The following MND1 variants were observed in gnomAD, a reference collection of about 807,000 sequenced individuals.
MND1 encodes meiotic nuclear division protein 1 homolog.
MND1 carries 28 observed loss-of-function variants against 35.1 expected under a neutral mutation model. The observed-to-expected ratio is 0.80, with a 90% confidence interval of 0.59 to 1.09. MND1 has a LOEUF of 1.09. MND1 is among the 50% of genes least tolerant of loss of function. MND1 has a pLI of 0.00. For synonymous variants in MND1, 69 were observed against 70.5 expected (o/e 0.98, Z 0.11); for missense variants, 213 against 239.6 (o/e 0.89, Z 0.73).
intron 3 of MND1, among the ~76,000 whole-genome samples, chr4:153,357,920 G>T (rs1480677195): frequency 6.6e-6 from 1 of 152,012 alleles, no homozygotes; most frequent in Non-Finnish European, 1.5e-5. Context: ...AAAAGGAAAA[G>T]ATACCATATA....
chr4:153,392,021 AAG>A (rs1467256001), intron 4 of MND1, among the ~76,000 whole-genome samples: 1 of 152,090 alleles, frequency 6.6e-6, no homozygotes, highest in East Asian at 1.9e-4. Context: ...TAAGCAAAAA[AAG>A]GGTATCTATT....
At chr4:153,410,119 C>T (rs958801076) in intron 7 of MND1, among the ~76,000 whole-genome samples, 1 of 152,184 alleles carries the variant, frequency 6.6e-6, no homozygotes, top group Admixed American at 6.6e-5. Flanking sequence ...ATAATACCTA[C>T]CTCCCATTTT....
At chr4:153,385,727 A>AG (rs1728837727) in intron 4 of MND1, among the ~76,000 whole-genome samples, 1 of 151,428 alleles carries the variant, frequency 6.6e-6, no homozygotes, top group Non-Finnish European at 1.5e-5. Flanking sequence ...AAAAAAAAAA[A>AG]AAAAAAAGAA....
chr4:153,397,426 G>A, intron 6 of MND1, 93 bp downstream of exon 6: 4 of 850,812 alleles, frequency 4.7e-6, no homozygotes, highest in Non-Finnish European at 7.3e-6. Flanking sequence ...CCATGTATAT[G>A]AGAAAATAAA....
chr4:153,409,090 C>T, intron 7 of MND1, 75 bp downstream of exon 7: 1 of 817,212 alleles, frequency 1.2e-6, no homozygotes, highest in Non-Finnish European at 1.7e-6. Flanking sequence ...ATTCAGATAC[C>T]TTGTGCTAGC....
At chr4:153,398,112 T>C (rs1434422500) in intron 6 of MND1, among the ~76,000 whole-genome samples, 2 of 152,216 alleles carry the variant, frequency 1.3e-5, no homozygotes, top group African/African-American at 2.4e-5. Context: ...CATTTTTTTT[T>C]CCTTGTTTTA....
rs754855190 is a variant in MND1 at position 153,358,574 on chromosome 4, TA to T, written c.231del (p.Ala78LeufsTer46). Reference protein sequence around the residue: ...TSNYYWAFPSKALHARKHKLE... With the variant: ...TSNYYWAFPSXALHARKHKLE... ...CTAATTATTATTGGGCTTTTCCAAGTAAAGCTCTTCATGCAAGGAAACATAA... is the reference window on the plus strand; with the variant it reads ...CTAATTATTATTGGGCTTTTCCAAGTAAGCTCTTCATGCAAGGAAACATAA... On this transcript the variant is annotated frameshift_variant, in exon 4 of 8. Coordinates refer to ENST00000240488, the MANE Select transcript of MND1 (RefSeq NM_032117.4). LOFTEE classifies it high-confidence loss of function. 1.9e-6 allele frequency: 3 copies of T among 1,613,632 alleles called. No individual in the cohort carries two copies. Among genetic ancestry groups the T allele is most frequent in the Non-Finnish European group, 2.5e-6 (3 of 1,179,776 alleles).
chr4:153,387,076 C>T (rs1363013033), intron 4 of MND1, among the ~76,000 whole-genome samples: 6 of 152,164 alleles, frequency 3.9e-5, no homozygotes, highest in African/African-American at 1.2e-4. Context: ...GTTATATATG[C>T]TCATTATATA....
chr4:153,404,447 TC>T (rs1729435160), intron 6 of MND1, among the ~76,000 whole-genome samples: 1 of 149,916 alleles, frequency 6.7e-6, no homozygotes, highest in Non-Finnish European at 1.5e-5. Context: ...CGCCTCAGCC[TC>T]GCAAAGTTTG....
rs1346333363 is a variant in MND1, at chr4:153,384,194, T to TA, written c.277-10063dup. ...AATATTTTTAATCCTTCCTAGAAGT[T>TA]AAAAATGGTTCCTTTTAAAATCTGC... On this transcript the variant is annotated intron_variant, in intron 4 of 7. Transcript: ENST00000240488. Among the ~76,000 whole-genome samples the TA allele has an allele frequency of 2.0e-5, 3 of 151,796 alleles. No individual in the cohort carries two copies. The East Asian group carries it at 5.8e-4, about 29-fold the overall frequency.
chr4:153,412,337 G>C (rs1729705701), intron 7 of MND1, among the ~76,000 whole-genome samples: 1 of 151,998 alleles, frequency 6.6e-6, no homozygotes. Context: ...TCACAGATAG[G>C]GTGGCTTAAA....
intron 7 of MND1, among the ~76,000 whole-genome samples, chr4:153,412,714 C>T (rs918456299): frequency 1.1e-4 from 17 of 151,490 alleles, no homozygotes; most frequent in Admixed American, 9.2e-4. Flanking sequence ...TCTCGAACTC[C>T]TGACCTCAGG....
In MND1 at chr4:153,344,711, G is replaced by T; in HGVS notation, c.-27G>T. ...GCCCCTCTCCCCAAGCGCGGGCCCG[G>T]CCAGCGGAAGCCCCTGCGCCCGCGC... On this transcript the variant is annotated 5_prime_UTR_variant, in exon 1 of 8. Transcript: ENST00000240488. The T allele has an allele frequency of 6.3e-7, 1 of 1,585,764 alleles. No homozygotes were observed. Among genetic ancestry groups the T allele is most frequent in the Non-Finnish European group, 8.6e-7 (1 of 1,167,266 alleles).
intron 4 of MND1, among the ~76,000 whole-genome samples, chr4:153,379,640 A>G (rs1320032844): frequency 1.3e-5 from 2 of 152,008 alleles, no homozygotes; most frequent in African/African-American, 2.4e-5. Context: ...TCACGAGGTC[A>G]GGAGTTCGAA....
intron 5 of MND1, among the ~76,000 whole-genome samples, chr4:153,395,136 C>T (rs1450839428): frequency 9.9e-5 from 15 of 152,174 alleles, no homozygotes. Context: ...TGTGAATCAT[C>T]AGCACAGTCA....
chr4:153,405,993 G>C (rs188339700), intron 6 of MND1, among the ~76,000 whole-genome samples: 18 of 151,824 alleles, frequency 1.2e-4, no homozygotes, highest in African/African-American at 3.1e-4. Flanking sequence ...TTAGTAGAGA[G>C]GGAGTTTCAC....
chr4:153,360,086 C>T (rs1001345235), intron 4 of MND1, among the ~76,000 whole-genome samples: 1 of 151,970 alleles, frequency 6.6e-6, no homozygotes, highest in African/African-American at 2.4e-5. Context: ...CACACCCAGC[C>T]CTGGAACATC....
intron 6 of MND1, among the ~76,000 whole-genome samples, chr4:153,407,832 A>G (rs1729563515): frequency 6.6e-6 from 1 of 152,186 alleles, no homozygotes; most frequent in Non-Finnish European, 1.5e-5. Flanking sequence ...CCATAGAGAA[A>G]AGACAGCAAC....
chr4:153,377,908 C>A (rs1728556159), intron 4 of MND1, among the ~76,000 whole-genome samples: 1 of 152,158 alleles, frequency 6.6e-6, no homozygotes, highest in Admixed American at 6.6e-5. Context: ...TTAATCCCTT[C>A]CTCCTCAGCA....
Sources: gnomAD v4.1 joint callset for allele counts (sites outside exome capture counted in the v4.1 genomes callset) on GRCh38, gnomAD v4.1.1 for gene constraint, MANE v1.5 for transcripts, NCBI Gene and HGNC (gene_info 2026-07-23, HGNC 2026-07-21) for gene names.